The following CD300LD variants were observed in gnomAD, a reference collection of about 807,000 sequenced individuals.
CD300LD encodes the protein CMRF35-like molecule 5.
CD300LD carries 18 observed loss-of-function variants against 20.3 expected under a neutral mutation model. The ratio of observed to expected loss-of-function variants is 0.89; its 90% CI spans 0.61 to 1.32. The LOEUF is 1.32. Among genes scored for constraint, CD300LD ranks in the 40% most tolerant of loss-of-function variants. The probability of loss-of-function intolerance (pLI) is 0.00; values close to 1 mark genes in which losing one functional copy is unlikely to be tolerated. For synonymous variants in CD300LD, 104 were observed against 90.1 expected, an observed-to-expected ratio of 1.15 and a Z score of -0.87; for missense variants, 195 against 226.6, an observed-to-expected ratio of 0.86 and a Z score of 0.90.
chr17:74,587,226 A>G (rs1380619547), intron 2 of CD300LD, among the ~76,000 whole-genome samples: 1 of 152,218 alleles, frequency 6.6e-6, no homozygotes, highest in Non-Finnish European at 1.5e-5. Context: ...CTTCGTGAGA[A>G]GATGGCAAAT....
chr17:74,587,960 T>A (rs1421214443), intron 2 of CD300LD, among the ~76,000 whole-genome samples: 1 of 152,210 alleles, frequency 6.6e-6, no homozygotes, highest in Non-Finnish European at 1.5e-5. Flanking sequence ...CAGGGTCCTA[T>A]GAGACCTGTC....
chr17:74,592,140 C>T, intron 1 of CD300LD, 23 bp downstream of exon 1: 1 of 1,614,182 alleles, frequency 6.2e-7, no homozygotes, highest in Non-Finnish European at 8.5e-7. Flanking sequence ...ATTCCAGTGC[C>T]TTAAAGCTCC....
intron 3 of CD300LD, among the ~76,000 whole-genome samples, chr17:74,580,352 C>T (rs780017187): frequency 9.9e-5 from 15 of 152,210 alleles, no homozygotes; most frequent in African/African-American, 2.4e-4. Flanking sequence ...AACTCCCATC[C>T]GGCCTTTTTG....
intron 2 of CD300LD, 71 bp from the exon 3 acceptor site, chr17:74,582,382 TTC>T: frequency 7.8e-7 from 1 of 1,288,438 alleles, no homozygotes; most frequent in South Asian, 1.4e-5. Context: ...GCCCTAAGGC[TTC>T]TCCACCTAGG....
intron 2 of CD300LD, among the ~76,000 whole-genome samples, chr17:74,587,770 G>T (rs1474800529): frequency 6.6e-6 from 1 of 152,064 alleles, no homozygotes. Flanking sequence ...AGGGAAGGGG[G>T]TCCCTTTGGC....
chr17:74,585,527 G>A (rs1301116179), intron 2 of CD300LD, among the ~76,000 whole-genome samples: 3 of 152,108 alleles, frequency 2.0e-5, no homozygotes, highest in Non-Finnish European at 4.4e-5. Context: ...AGAATTTTAT[G>A]CTCTGCTGCT....
rs200235728 is a variant in CD300LD at position 74,588,523 on chromosome 17, T to G, written c.367A>C (p.Thr123Pro). 14 of 1,609,078 alleles carry G rather than the reference T, an allele frequency of 8.7e-6. No homozygotes were observed. Among genetic ancestry groups the G allele is most frequent in the Non-Finnish European group, 1.2e-5 (14 of 1,176,752 alleles). ...CACTCCCTCTTACCTGGGTTAATGGTCACTTGAACTTTGACCCCAAGATCA... is the reference window on the plus strand; with the variant it reads ...CACTCCCTCTTACCTGGGTTAATGGGCACTTGAACTTTGACCCCAAGATCA... ...GIDLGVKVQV[T>P]INPGTQTAVS... Residue 123 changes from threonine to proline, a missense_variant, in exon 2 of 4, where the codon ACC (threonine) becomes CCC (proline). Coordinates refer to ENST00000375352, the MANE Select transcript of CD300LD (RefSeq NM_001115152.2).
Position 74,588,763 on chromosome 17 carries a change from A to T in CD300LD, c.127T>A (p.Ser43Thr). 1 of 1,614,202 alleles carries T rather than the reference A, an allele frequency of 6.2e-7. No individual in the cohort carries two copies. The highest frequency in any genetic ancestry group is 8.5e-7 in the Non-Finnish European group (1 of 1,180,016). The change falls in exon 2 of 4, where the codon TCA becomes ACA. Residue 43 changes from serine (S) to threonine (T), a missense_variant. Physicochemically the swap from Ser to Thr is moderately conservative, Grantham distance 58 (BLOSUM62 1). Coordinates refer to ENST00000375352, the MANE Select transcript of CD300LD (RefSeq NM_001115152.2). ...GSLTVQCAYG[S>T]GWETYLKWRC... ...CACTTCAAGTAGGTCTCCCAGCCTG[A>T]GCCATAAGCACACTGCACAGTCAAT...
Position 74,580,030 on chromosome 17 carries a change from C to T in CD300LD, c.557G>A (p.Trp186Ter). The change falls in exon 4 of 4, where the codon TGG becomes TAG. Residue 186 changes from tryptophan (W) to a stop codon, truncating the protein, a stop_gained. Transcript: ENST00000375352. LOFTEE classifies it low-confidence loss of function (END_TRUNC). ...AGACCTTCTTTGTGGTCTGTTTACC[C>T]AGAGGACGGTCCCCAGCATGCTCAG... ...LLLSMLGTVL[W>*]VNRPQRRS 3.1e-6 allele frequency: 5 copies of T among 1,612,936 alleles called. No homozygotes were observed. The highest frequency in any genetic ancestry group is 4.2e-6 in the Non-Finnish European group (5 of 1,179,434).
At chr17:74,585,945 T>C (rs1401304889) in intron 2 of CD300LD, among the ~76,000 whole-genome samples, 3 of 152,194 alleles carry the variant, frequency 2.0e-5, no homozygotes, top group Non-Finnish European at 4.4e-5. Context: ...ACACTGCTTA[T>C]AAGCAGTGTG....
intron 3 of CD300LD, 91 bp downstream of exon 3, chr17:74,582,127 G>T: frequency 1.1e-6 from 1 of 922,414 alleles, no homozygotes; most frequent in Non-Finnish European, 1.7e-6. Flanking sequence ...AGTGTAACTG[G>T]GCATGCTATT....
chr17:74,586,275 G>C lies in CD300LD; in HGVS notation c.379+2236C>G, dbSNP rs575297585. 1.6e-4 allele frequency among the ~76,000 whole-genome samples: 25 copies of C among 152,330 alleles called. No individual in the cohort carries two copies. The East Asian group carries it at 4.6e-3, about 28-fold the overall frequency. On this transcript the variant is annotated intron_variant, in intron 2 of 3. Coordinates refer to ENST00000375352, the MANE Select transcript of CD300LD (RefSeq NM_001115152.2). Reference sequence around the variant, plus strand: ...GTTGGCTCAAGCAATGGCTAATTTAGTAGTGGACAAATCTAAAAACGGCCA... The same window carrying C: ...GTTGGCTCAAGCAATGGCTAATTTACTAGTGGACAAATCTAAAAACGGCCA...
intron 1 of CD300LD, among the ~76,000 whole-genome samples, chr17:74,590,329 A>T (rs1182421989): frequency 1.3e-5 from 2 of 152,144 alleles, no homozygotes; most frequent in Non-Finnish European, 2.9e-5. Flanking sequence ...TAATTTACTC[A>T]GTCTCGGGTA....
intron 2 of CD300LD, among the ~76,000 whole-genome samples, chr17:74,587,640 T>A (rs547302846): frequency 6.6e-6 from 1 of 152,146 alleles, no homozygotes; most frequent in African/African-American, 2.4e-5. Context: ...ATCTTTTTTT[T>A]CCCTAGTATC....
chr17:74,580,790 G>T (rs1012253250), intron 3 of CD300LD, among the ~76,000 whole-genome samples: 2 of 151,980 alleles, frequency 1.3e-5, no homozygotes, highest in East Asian at 3.9e-4. Flanking sequence ...ATCAGGCCAG[G>T]CGTGGTGGTT....
chr17:74,585,322 T>A (rs990512753), intron 2 of CD300LD, among the ~76,000 whole-genome samples: 1 of 152,146 alleles, frequency 6.6e-6, no homozygotes, highest in Admixed American at 6.5e-5. Context: ...GCCATTATCT[T>A]CTTCTTATTC....
intron 2 of CD300LD, among the ~76,000 whole-genome samples, chr17:74,583,918 A>C (rs1412054592): frequency 6.6e-6 from 1 of 151,026 alleles, no homozygotes; most frequent in East Asian, 1.9e-4. Context: ...TAGCCAGCTA[A>C]TTTTTTTTTA....
At chr17:74,586,458 T>C (rs989373257) in intron 2 of CD300LD, among the ~76,000 whole-genome samples, 1 of 151,922 alleles carries the variant, frequency 6.6e-6, no homozygotes, top group African/African-American at 2.4e-5. Context: ...ATATAGGAAA[T>C]AACTGGGCTA....
At chr17:74,589,258 T>C (rs572643646) in intron 1 of CD300LD, among the ~76,000 whole-genome samples, 3 of 152,220 alleles carry the variant, frequency 2.0e-5, no homozygotes, top group Middle Eastern at 3.4e-3. Flanking sequence ...CTGTTCCTAG[T>C]GGTTCTAATG....
Sources: gnomAD v4.1 joint callset for allele counts (sites outside exome capture counted in the v4.1 genomes callset) on GRCh38, gnomAD v4.1.1 for gene constraint, MANE v1.5 for transcripts, NCBI Gene and HGNC (gene_info 2026-07-23, HGNC 2026-07-21) for gene names.